The following ERI3 variants were observed in gnomAD, a reference collection of about 807,000 sequenced individuals.
The protein encoded by ERI3 is ERI1 exoribonuclease 3.
A neutral mutation model predicts 44.4 loss-of-function variants in ERI3; 18 were observed. The ratio of observed to expected loss-of-function variants is 0.41; its 90% CI spans 0.28 to 0.60. The LOEUF is 0.60. Ranked by LOEUF, ERI3 falls within the 20% of genes least tolerant of loss-of-function variation. The probability of loss-of-function intolerance (pLI) is 0.36; values close to 1 mark genes in which losing one functional copy is unlikely to be tolerated. For synonymous variants in ERI3, 183 were observed against 164.8 expected, an observed-to-expected ratio of 1.11 and a Z score of -0.84; for missense variants, 294 against 435.5, an observed-to-expected ratio of 0.68 and a Z score of 2.89.
chr1:44,275,488 G>A (rs1338805270), intron 7 of ERI3, among the ~76,000 whole-genome samples: 1 of 152,172 alleles, frequency 6.6e-6, no homozygotes, highest in Non-Finnish European at 1.5e-5. Context: ...GACTCTGAAT[G>A]CTCCAAGGTC....
intron 6 of ERI3, among the ~76,000 whole-genome samples, chr1:44,304,230 A>G (rs577248713): frequency 1.3e-5 from 2 of 152,266 alleles, no homozygotes; most frequent in African/African-American, 4.8e-5. Flanking sequence ...CAGTTGGAGA[A>G]AAAGATTAGA....
At chr1:44,245,773 A>G (rs1401183129) in intron 8 of ERI3, among the ~76,000 whole-genome samples, 1 of 152,188 alleles carries the variant, frequency 6.6e-6, no homozygotes. Flanking sequence ...CTTCTCACAC[A>G]CACACCCTGG....
At chr1:44,268,779 A>G (rs1306597085) in intron 7 of ERI3, among the ~76,000 whole-genome samples, 1 of 152,212 alleles carries the variant, frequency 6.6e-6, no homozygotes, top group Non-Finnish European at 1.5e-5. Flanking sequence ...TAGAGGATAA[A>G]AGACCAGAGG....
At chr1:44,271,469 G>A (rs952749293) in intron 7 of ERI3, among the ~76,000 whole-genome samples, 2 of 152,094 alleles carry the variant, frequency 1.3e-5, no homozygotes, top group African/African-American at 4.8e-5. Flanking sequence ...TCCCTCCTTT[G>A]CACTGGCAGC....
intron 3 of ERI3, among the ~76,000 whole-genome samples, chr1:44,328,758 G>A (rs113342637): frequency 2.3e-4 from 35 of 152,224 alleles, no homozygotes; most frequent in African/African-American, 7.9e-4. Flanking sequence ...ACTCCTTATC[G>A]CTGAGGTACT....
intron 3 of ERI3, among the ~76,000 whole-genome samples, chr1:44,335,336 C>T (rs959891832): frequency 4.7e-5 from 7 of 149,156 alleles, no homozygotes; most frequent in African/African-American, 1.5e-4. Context: ...GCCTGGGCAA[C>T]GGAGCAAGAC....
At chr1:44,328,547 A>G (rs894566332) in intron 3 of ERI3, among the ~76,000 whole-genome samples, 3 of 152,136 alleles carry the variant, frequency 2.0e-5, no homozygotes, top group African/African-American at 7.2e-5. Context: ...TCAGACTTCA[A>G]ATGACCTGAG....
intron 8 of ERI3, among the ~76,000 whole-genome samples, chr1:44,239,919 G>A (rs185651033): frequency 1.1e-3 from 160 of 152,314 alleles, no homozygotes; most frequent in Non-Finnish European, 1.4e-3. Context: ...TCAGCTCTGC[G>A]GCTCCCCGCC....
Position 44,348,072 on chromosome 1 carries a change from C to T in ERI3, c.211+4778G>A, listed in dbSNP as rs532763357. 2.0e-3 allele frequency among the ~76,000 whole-genome samples: 307 copies of T among 152,222 alleles called. 1 individual carries two copies. The highest frequency in any genetic ancestry group is 2.3e-3 in the Non-Finnish European group (155 of 68,014). On this transcript the variant is annotated intron_variant, in intron 2 of 8. Transcript: ENST00000372257. Reference sequence around the variant, plus strand: ...AATGTTTGCTAAATGAATTAATATGCCCACAGTCATGATGCCAACTGCTCT... The same window carrying T: ...AATGTTTGCTAAATGAATTAATATGTCCACAGTCATGATGCCAACTGCTCT...
At chr1:44,259,689 GACACACACACACACACACAC>G (rs58901342) in intron 7 of ERI3, among the ~76,000 whole-genome samples, 3 of 140,280 alleles carry the variant, frequency 2.1e-5, no homozygotes, top group African/African-American at 8.3e-5. Context: ...AAAACACACA[GACACACACACACACACACAC>G]ACACACACAC....
chr1:44,230,815 T>G (rs1644165593), intron 8 of ERI3, among the ~76,000 whole-genome samples: 5 of 152,196 alleles, frequency 3.3e-5, no homozygotes, highest in Admixed American at 3.3e-4. Flanking sequence ...AATGGCCTTC[T>G]CCATTGTATC....
intron 7 of ERI3, among the ~76,000 whole-genome samples, chr1:44,253,991 T>C (rs1422625996): frequency 6.6e-6 from 1 of 152,176 alleles, no homozygotes; most frequent in African/African-American, 2.4e-5. Flanking sequence ...TCACTAAGTG[T>C]CAGGGTGATC....
chr1:44,246,737 C>T (rs1644562226), intron 8 of ERI3, among the ~76,000 whole-genome samples: 1 of 152,226 alleles, frequency 6.6e-6, no homozygotes, highest in Non-Finnish European at 1.5e-5. Flanking sequence ...CTATTTCAGT[C>T]CCTGTCTCTT....
chr1:44,308,506 G>T, intron 5 of ERI3, 105 bp from the exon 6 acceptor site: 1 of 906,158 alleles, frequency 1.1e-6, no homozygotes. Flanking sequence ...CAGAACAGGA[G>T]AAAATTGTAA....
At chr1:44,240,023 C>A (rs778642394) in intron 8 of ERI3, among the ~76,000 whole-genome samples, 2 of 152,254 alleles carry the variant, frequency 1.3e-5, no homozygotes, top group Non-Finnish European at 2.9e-5. Context: ...CTCCCAGCTC[C>A]CAGCCCTGCC....
chr1:44,315,316 C>A (rs937248817), intron 4 of ERI3, among the ~76,000 whole-genome samples: 3 of 152,206 alleles, frequency 2.0e-5, no homozygotes, highest in Admixed American at 1.3e-4. Flanking sequence ...TGCACCCTTG[C>A]CAAGAGCCCT....
intron 3 of ERI3, among the ~76,000 whole-genome samples, chr1:44,328,509 C>G (rs1646362452): frequency 6.6e-6 from 1 of 152,132 alleles, no homozygotes; most frequent in Non-Finnish European, 1.5e-5. Flanking sequence ...AGTTTGAGAA[C>G]CGCTGGTCCA....
intron 6 of ERI3, among the ~76,000 whole-genome samples, chr1:44,300,387 G>C (rs1299439960): frequency 6.6e-6 from 1 of 152,196 alleles, no homozygotes; most frequent in Non-Finnish European, 1.5e-5. Context: ...GAAGTGCCCA[G>C]AAAGTAAAAT....
At chr1:44,288,230 T>C (rs1269308141) in intron 6 of ERI3, among the ~76,000 whole-genome samples, 1 of 152,210 alleles carries the variant, frequency 6.6e-6, no homozygotes, top group African/African-American at 2.4e-5. Flanking sequence ...CATGTCTGAC[T>C]GATGCACATG....
Sources: allele counts gnomAD v4.1 joint callset (sites outside exome capture counted in the v4.1 genomes callset), GRCh38; gene constraint gnomAD v4.1.1; transcripts MANE v1.5; gene names NCBI Gene and HGNC (gene_info 2026-07-23, HGNC 2026-07-21).